The following ADGRL3 variants were observed in gnomAD, a reference collection of about 807,000 sequenced individuals.
ADGRL3 encodes calcium-independent alpha-latrotoxin receptor 3.
In ADGRL3, 62 loss-of-function variants were observed where a neutral mutation model predicts 153.5. The observed-to-expected ratio is 0.40, with a 90% CI of 0.33 to 0.50. The LOEUF is 0.50. Ranked by LOEUF, ADGRL3 falls within the 20% of genes least tolerant of loss-of-function variation. ADGRL3 has a pLI of 0.47. For synonymous variants in ADGRL3, 710 were observed against 672.5 expected (o/e 1.06, Z -0.86); for missense variants, 1,641 against 1,859.4 (o/e 0.88, Z 2.16).
At chr4:61,304,927 T>G (rs1470681948) in intron 1 of ADGRL3, among the ~76,000 whole-genome samples, 1 of 152,222 alleles carries the variant, frequency 6.6e-6, no homozygotes, top group East Asian at 1.9e-4. Flanking sequence ...TTAGACAGTG[T>G]AACACTGGTA....
intron 1 of ADGRL3, among the ~76,000 whole-genome samples, chr4:61,300,860 G>C (rs1377087703): frequency 6.6e-6 from 1 of 151,540 alleles, no homozygotes. Context: ...CCGCCTCACG[G>C]GTTCAAGCAA....
At chr4:61,869,511 T>C (rs1443415218) in intron 9 of ADGRL3, among the ~76,000 whole-genome samples, 3 of 151,598 alleles carry the variant, frequency 2.0e-5, no homozygotes, top group Admixed American at 6.6e-5. Flanking sequence ...GGCAGGAGAA[T>C]GGCGTGAACC....
At chr4:61,725,893 G>T (rs896411956) in intron 6 of ADGRL3, among the ~76,000 whole-genome samples, 2 of 152,088 alleles carry the variant, frequency 1.3e-5, no homozygotes, top group South Asian at 4.1e-4. Flanking sequence ...ATCCTTTAGT[G>T]TTTAGACCCT....
chr4:61,216,396 T>C (rs1377639170), intron 1 of ADGRL3, among the ~76,000 whole-genome samples: 1 of 152,148 alleles, frequency 6.6e-6, no homozygotes, highest in Non-Finnish European at 1.5e-5. Flanking sequence ...TTAAATACTT[T>C]TGAGATTCAG....
chr4:61,970,315 A>G (rs1028320394), intron 17 of ADGRL3, among the ~76,000 whole-genome samples: 47 of 152,264 alleles, frequency 3.1e-4, no homozygotes, highest in African/African-American at 1.1e-3. Context: ...CTATCTGCCT[A>G]GCTTCATTTC....
intron 23 of ADGRL3, among the ~76,000 whole-genome samples, chr4:62,035,920 A>G (rs1225345514): frequency 6.6e-6 from 1 of 152,094 alleles, no homozygotes; most frequent in Non-Finnish European, 1.5e-5. Context: ...TGAGGGACAT[A>G]CCTAGCACAA....
At chr4:61,492,306 G>C (rs1439341861) in intron 2 of ADGRL3, among the ~76,000 whole-genome samples, 1 of 152,140 alleles carries the variant, frequency 6.6e-6, no homozygotes, top group Non-Finnish European at 1.5e-5. Context: ...GAAAAGTTAA[G>C]AGTTGGGGAA....
intron 1 of ADGRL3, among the ~76,000 whole-genome samples, chr4:61,267,833 C>CT (rs5858687): frequency 0.99 from 148,997 of 150,856 alleles, 73,607 homozygotes; most frequent in South Asian, 1. Context: ...GTTGACTTCA[C>CT]TTTTTTTTAT....
At chr4:61,415,101 A>G (rs1327819106) in intron 2 of ADGRL3, among the ~76,000 whole-genome samples, 1 of 151,898 alleles carries the variant, frequency 6.6e-6, no homozygotes, top group Non-Finnish European at 1.5e-5. Flanking sequence ...TAGTGAAGAC[A>G]GTCTTTATAA....
intron 1 of ADGRL3, among the ~76,000 whole-genome samples, chr4:61,329,496 T>C (rs1286852079): frequency 6.6e-6 from 1 of 152,090 alleles, no homozygotes; most frequent in Non-Finnish European, 1.5e-5. Flanking sequence ...AAATTTAATT[T>C]TTTAATTTAT....
At chr4:61,619,620 TA>T (rs796088932) in intron 5 of ADGRL3, among the ~76,000 whole-genome samples, 5 of 152,304 alleles carry the variant, frequency 3.3e-5, no homozygotes, top group African/African-American at 1.2e-4. Flanking sequence ...ACCTTTATGA[TA>T]TTTTTGATTC....
intron 8 of ADGRL3, among the ~76,000 whole-genome samples, chr4:61,771,522 C>T (rs1038424577): frequency 6.6e-6 from 1 of 152,176 alleles, no homozygotes; most frequent in East Asian, 1.9e-4. Context: ...ATTTTCCTGA[C>T]ACAATTGAAT....
chr4:61,829,614 A>G (rs1008802590), intron 9 of ADGRL3, among the ~76,000 whole-genome samples: 2 of 152,244 alleles, frequency 1.3e-5, no homozygotes, highest in African/African-American at 2.4e-5. Context: ...TCTGCTATAC[A>G]ATAATGTGCA....
At chr4:61,505,771 C>A (rs984764409) in intron 3 of ADGRL3, among the ~76,000 whole-genome samples, 53 of 151,948 alleles carry the variant, frequency 3.5e-4, no homozygotes, top group African/African-American at 1.3e-3. Context: ...ATCTCTCTAT[C>A]AAATCCACAT....
intron 1 of ADGRL3, among the ~76,000 whole-genome samples, chr4:61,301,925 C>T (rs1181443798): frequency 1.3e-5 from 2 of 152,196 alleles, no homozygotes; most frequent in African/African-American, 2.4e-5. Flanking sequence ...ATTTAATCTT[C>T]GGAAACTTAA....
At chr4:61,750,796 G>GAAAAAAAAAAAA (rs34825890) in intron 8 of ADGRL3, among the ~76,000 whole-genome samples, 7 of 121,914 alleles carry the variant, frequency 5.7e-5, no homozygotes, top group East Asian at 2.2e-4. Context: ...TCTCAAAAAA[G>GAAAAAAAAAAAA]AAAAAAAAAA....
At chr4:61,572,777 T>C (rs531854864) in intron 4 of ADGRL3, among the ~76,000 whole-genome samples, 2 of 152,118 alleles carry the variant, frequency 1.3e-5, no homozygotes, top group South Asian at 4.1e-4. Flanking sequence ...GTGTGTTAAT[T>C]TGTGTCATGC....
intron 5 of ADGRL3, among the ~76,000 whole-genome samples, chr4:61,650,664 C>G (rs2094213284): frequency 1.3e-5 from 2 of 151,716 alleles, no homozygotes. Flanking sequence ...GATTCTTTGT[C>G]ATAAAATTGA....
At chr4:62,022,867 A>G (rs1014033582) in intron 21 of ADGRL3, among the ~76,000 whole-genome samples, 1 of 152,040 alleles carries the variant, frequency 6.6e-6, no homozygotes, top group Non-Finnish European at 1.5e-5. Flanking sequence ...TCTGATAGAG[A>G]TATACAAGGA....
Sources: gnomAD v4.1 joint callset for allele counts (sites outside exome capture counted in the v4.1 genomes callset) on GRCh38, gnomAD v4.1.1 for gene constraint, MANE v1.5 for transcripts, NCBI Gene and HGNC (gene_info 2026-07-23, HGNC 2026-07-21) for gene names.